Variants in KCNJ6 observed in about 807,000 individuals in gnomAD.
The protein encoded by KCNJ6 is G protein-activated inward rectifier potassium channel 2.
Under a neutral mutation model 34.2 loss-of-function variants are expected in KCNJ6, and 9 were observed. The ratio of observed to expected loss-of-function variants is 0.26; its 90% CI spans 0.16 to 0.46. The LOEUF is 0.46. KCNJ6 is among the 20% of genes least tolerant of loss of function. KCNJ6 has a pLI of 1.00. For synonymous variants in KCNJ6, 196 were observed against 207.1 expected, an observed-to-expected ratio of 0.95 and a Z score of 0.46; for missense variants, 236 against 531.3, an observed-to-expected ratio of 0.44 and a Z score of 5.46.
chr21:37,898,514 G>A (rs1479167795), intron 1 of KCNJ6, among the ~76,000 whole-genome samples: 1 of 150,880 alleles, frequency 6.6e-6, no homozygotes, highest in Non-Finnish European at 1.5e-5. Context: ...CCCAGGAGGC[G>A]AAGGTTGCAG....
chr21:37,850,397 C>T (rs1222832151), intron 1 of KCNJ6, among the ~76,000 whole-genome samples: 1 of 152,054 alleles, frequency 6.6e-6, no homozygotes, highest in African/African-American at 2.4e-5. Context: ...AGCATTTCCA[C>T]CTGAGCTGCA....
intron 2 of KCNJ6, among the ~76,000 whole-genome samples, chr21:37,727,913 C>G (rs1372275997): frequency 1.3e-5 from 2 of 152,128 alleles, no homozygotes; most frequent in African/African-American, 4.8e-5. Context: ...ACAACAACAA[C>G]AAACTGAACT....
In KCNJ6 at chr21:37,615,240, C is replaced by CCTTTTTTT. The variant is rs774526741; in HGVS notation, c.*9918_*9919insAAAAAAAG. Reference sequence around the variant, plus strand: ...TCAGACCCTCGACTGACATTCCCAGCATTCTTTTTTTTTTTTTTTTTTTTT... The same window carrying CCTTTTTTT: ...TCAGACCCTCGACTGACATTCCCAGCCTTTTTTTATTCTTTTTTTTTTTTTTTTTTTTT... On this transcript the variant is annotated 3_prime_UTR_variant, in exon 4 of 4. Transcript: ENST00000609713. 1 of 89,614 alleles carries CCTTTTTTT rather than the reference C, an allele frequency of 1.1e-5. No individual in the cohort carries two copies. The highest frequency in any genetic ancestry group is 4.7e-5 in the African/African-American group (1 of 21,356). 5.6% of individuals were successfully genotyped at this position (89,614 alleles called of 1,614,324 possible). A position where few individuals can be genotyped will look rare whatever the true frequency, so the allele number is the denominator to read the frequency against.
intron 2 of KCNJ6, among the ~76,000 whole-genome samples, chr21:37,737,984 C>T (rs2054921860): frequency 6.6e-6 from 1 of 152,180 alleles, no homozygotes. Context: ...TGCACCTGGC[C>T]AGCTCTCCAG....
At chr21:37,879,155 G>A (rs546770645) in intron 1 of KCNJ6, among the ~76,000 whole-genome samples, 24 of 152,310 alleles carry the variant, frequency 1.6e-4, no homozygotes, top group African/African-American at 4.8e-4. Flanking sequence ...ACTGAGTAAT[G>A]GGAGTGGTCA....
intron 3 of KCNJ6, among the ~76,000 whole-genome samples, chr21:37,694,502 G>A (rs1294949720): frequency 6.6e-6 from 1 of 152,158 alleles, no homozygotes; most frequent in African/African-American, 2.4e-5. Context: ...AAGCACCATT[G>A]ATCAAGCTAC....
At chr21:37,850,388 G>A (rs949674289) in intron 1 of KCNJ6, among the ~76,000 whole-genome samples, 1 of 152,064 alleles carries the variant, frequency 6.6e-6, no homozygotes. Flanking sequence ...CAGTAGGTGA[G>A]CATTTCCACC....
rs956931267 is a variant in KCNJ6 at position 37,623,938 on chromosome 21, C to A, written c.*1221G>T. The A allele has an allele frequency of 3.9e-5, 6 of 152,228 alleles. No individual in the cohort carries two copies. Among genetic ancestry groups the A allele is most frequent in the African/African-American group, 1.4e-4 (6 of 41,464 alleles). 9.4% of individuals were successfully genotyped at this position (152,228 alleles called of 1,614,324 possible). A position where few individuals can be genotyped will look rare whatever the true frequency, so the allele number is the denominator to read the frequency against. ...CGATGATTATAATGCATGCCACTCA[C>A]TACATGCCTTTGTGAATTTCACGGC... On this transcript the variant is annotated 3_prime_UTR_variant, in exon 4 of 4. Transcript: ENST00000609713.
intron 2 of KCNJ6, among the ~76,000 whole-genome samples, chr21:37,830,565 C>G (rs1027944926): frequency 2.6e-5 from 4 of 152,138 alleles, no homozygotes; most frequent in Non-Finnish European, 4.4e-5. Context: ...AAGAATTACA[C>G]AGCTGACAAA....
chr21:37,706,325 G>A (rs981228206), intron 3 of KCNJ6, among the ~76,000 whole-genome samples: 4 of 152,170 alleles, frequency 2.6e-5, no homozygotes, highest in African/African-American at 7.2e-5. Flanking sequence ...ACCATGAGGC[G>A]ATCTGTGGTA....
At chr21:37,860,254 G>C (rs2055587914) in intron 1 of KCNJ6, among the ~76,000 whole-genome samples, 1 of 152,088 alleles carries the variant, frequency 6.6e-6, no homozygotes, top group Non-Finnish European at 1.5e-5. Flanking sequence ...TACCTTATCG[G>C]TGATAATTTT....
chr21:37,894,003 G>A (rs2123637905), intron 1 of KCNJ6, among the ~76,000 whole-genome samples: 1 of 152,198 alleles, frequency 6.6e-6, no homozygotes, highest in Admixed American at 6.5e-5. Context: ...AACATGATCT[G>A]TTAAATTATG....
chr21:37,800,114 G>T (rs879526691), intron 2 of KCNJ6, among the ~76,000 whole-genome samples: 4 of 152,160 alleles, frequency 2.6e-5, no homozygotes, highest in Admixed American at 6.5e-5. Flanking sequence ...GAAGAAGTTG[G>T]AAATGGAGCA....
At chr21:37,913,281 C>T (rs1442947904) in intron 1 of KCNJ6, among the ~76,000 whole-genome samples, 2 of 152,118 alleles carry the variant, frequency 1.3e-5, no homozygotes, top group Non-Finnish European at 2.9e-5. Context: ...ATAAATCCTC[C>T]CCTCCTGCAG....
chr21:37,632,511 T>C (rs1478275191), intron 3 of KCNJ6, among the ~76,000 whole-genome samples: 11 of 152,080 alleles, frequency 7.2e-5, no homozygotes. Flanking sequence ...GCAACAAAGA[T>C]CATTGTATAA....
intron 1 of KCNJ6, among the ~76,000 whole-genome samples, chr21:37,869,413 G>A (rs951558892): frequency 1.3e-4 from 20 of 152,236 alleles, no homozygotes; most frequent in African/African-American, 4.3e-4. Context: ...AGGTAAGTTA[G>A]TTAGTTTGTG....
intron 1 of KCNJ6, among the ~76,000 whole-genome samples, chr21:37,847,025 C>T (rs576935722): frequency 6.3e-4 from 96 of 151,782 alleles, no homozygotes; most frequent in Non-Finnish European, 1.2e-3. Flanking sequence ...GAGTTGCTGC[C>T]GAAAAATATA....
At chr21:37,787,067 G>A (rs147736293) in intron 2 of KCNJ6, among the ~76,000 whole-genome samples, 60 of 152,170 alleles carry the variant, frequency 3.9e-4, no homozygotes, top group African/African-American at 1.3e-3. Context: ...TTTACTTTTG[G>A]TCTCAGTTGA....
chr21:37,660,182 C>T (rs1316463050), intron 3 of KCNJ6, among the ~76,000 whole-genome samples: 1 of 152,214 alleles, frequency 6.6e-6, no homozygotes, highest in African/African-American at 2.4e-5. Context: ...CCAAGAGGCA[C>T]CTGCCTGGGC....
Sources: gnomAD v4.1 joint callset for allele counts (sites outside exome capture counted in the v4.1 genomes callset) on GRCh38, gnomAD v4.1.1 for gene constraint, MANE v1.5 for transcripts, NCBI Gene and HGNC (gene_info 2026-07-23, HGNC 2026-07-21) for gene names.